Variants in FRY observed in about 807,000 individuals in gnomAD.
The protein encoded by FRY is FRY microtubule binding protein.
In FRY, 128 loss-of-function variants were observed where a neutral mutation model predicts 348.4. The observed-to-expected ratio is 0.37, with a 90% confidence interval of 0.32 to 0.43. The LOEUF is 0.43. FRY is among the 20% of genes least tolerant of loss of function. FRY has a pLI of 1.00. For missense variants in FRY, 2,736 were observed against 3,695.2 expected (o/e 0.74, Z 6.73); for synonymous variants, 1,370 against 1,374.7 (o/e 1.00, Z 0.08).
intron 1 of FRY, among the ~76,000 whole-genome samples, chr13:32,045,232 T>C (rs150119572): frequency 1.3e-5 from 2 of 152,344 alleles, no homozygotes; most frequent in Non-Finnish European, 2.9e-5. Context: ...AGACTTTTTT[T>C]CAACCCTTCA....
At chr13:32,053,676 T>G (rs2138414000) in intron 1 of FRY, among the ~76,000 whole-genome samples, 1 of 152,274 alleles carries the variant, frequency 6.6e-6, no homozygotes, top group South Asian at 2.1e-4. Context: ...CACTTAAGAG[T>G]CTTCCCTGAA....
chr13:32,201,991 C>T lies in FRY; in HGVS notation c.3797C>T (p.Ala1266Val). 6.2e-7 allele frequency: 1 copy of T among 1,607,386 alleles called. No individual in the cohort carries two copies. The highest frequency in any genetic ancestry group is 8.5e-7 in the Non-Finnish European group (1 of 1,173,944). The change falls in exon 30 of 61, where the codon GCC becomes GTC. Residue 1266 changes from alanine to valine, a missense_variant. Transcript: ENST00000542859. ...VTLLNLVLFK[A>V]SDTNREIYEI... ...TTGTTAAACCTTGTTCTATTCAAGG[C>T]CTCTGACACCAACAGAGAGATTTAT...
intron 58 of FRY, among the ~76,000 whole-genome samples, chr13:32,280,965 T>C (rs1160832909): frequency 1.3e-5 from 2 of 152,192 alleles, no homozygotes; most frequent in Non-Finnish European, 2.9e-5. Context: ...CTGGTTCTTC[T>C]TTACCTTCCT....
At chr13:32,088,315 C>T (rs919912518) in intron 2 of FRY, among the ~76,000 whole-genome samples, 3 of 152,188 alleles carry the variant, frequency 2.0e-5, no homozygotes, top group African/African-American at 7.2e-5. Context: ...CATTGCTGGT[C>T]AGATAGGGAA....
intron 1 of FRY, among the ~76,000 whole-genome samples, chr13:32,057,054 CTTGAG>C: frequency 6.6e-6 from 1 of 152,132 alleles, no homozygotes; most frequent in East Asian, 1.9e-4. Context: ...GAAAAAAATT[CTTGAG>C]TTGATGTGCA....
chr13:32,087,594 A>AT (rs1233326215), intron 2 of FRY, among the ~76,000 whole-genome samples: 1 of 152,138 alleles, frequency 6.6e-6, no homozygotes, highest in Non-Finnish European at 1.5e-5. Context: ...TCCTCTTGTG[A>AT]TTTTAGACCA....
Position 32,134,922 on chromosome 13 carries a change from C to T in FRY, c.904C>T (p.Leu302Phe). The T allele has an allele frequency of 6.2e-7, 1 of 1,610,258 alleles. No individual in the cohort carries two copies. Among genetic ancestry groups the T allele is most frequent in the Non-Finnish European group, 8.5e-7 (1 of 1,176,524 alleles). Residue 302 changes from leucine (L) to phenylalanine (F), a missense_variant, in exon 9 of 61, where the codon CTC becomes TTC. By Grantham distance (22) the Leu-to-Phe change is conservative (BLOSUM62 0). This residue lies in a region of FRY where 309 missense variants were observed against 418.1 expected (regional missense o/e 0.74). Coordinates refer to ENST00000542859, the MANE Select transcript of FRY (RefSeq NM_023037.3). ...QFMQECAHYF[L>F]EVKDKDIKHA... ...TTCCCAGGAATGTGCACATTACTTC[C>T]TCGAGGTCAAAGACAAAGATATCAA...
At chr13:32,224,508 G>C in intron 37 of FRY, 123 bp downstream of exon 37, 3 of 872,694 alleles carry the variant, frequency 3.4e-6, no homozygotes, top group Non-Finnish European at 5.2e-6. Flanking sequence ...GTGGGATCCT[G>C]CCTGATTTGA....
chr13:32,071,945 G>A (rs911081459), intron 1 of FRY, among the ~76,000 whole-genome samples: 1 of 152,058 alleles, frequency 6.6e-6, no homozygotes, highest in Non-Finnish European at 1.5e-5. Context: ...AAGACAGGGC[G>A]ATATGGGAAG....
chr13:32,146,315 G>T (rs1028877407), intron 11 of FRY, among the ~76,000 whole-genome samples: 8 of 151,968 alleles, frequency 5.3e-5, no homozygotes, highest in Non-Finnish European at 8.8e-5. Flanking sequence ...GAGTTTTTTT[G>T]TTGTTGTTGT....
intron 17 of FRY, among the ~76,000 whole-genome samples, chr13:32,163,909 G>T (rs1881591642): frequency 6.6e-6 from 1 of 151,980 alleles, no homozygotes; most frequent in African/African-American, 2.4e-5. Context: ...TTTTTCTGAG[G>T]GAACAGAACA....
chr13:32,247,874 C>T (rs982698086), intron 48 of FRY, among the ~76,000 whole-genome samples: 1 of 152,108 alleles, frequency 6.6e-6, no homozygotes, highest in Non-Finnish European at 1.5e-5. Flanking sequence ...AGCAGATGAC[C>T]GAAATTTACA....
intron 59 of FRY, among the ~76,000 whole-genome samples, 195 bp from the exon 60 acceptor site, chr13:32,294,173 G>C (rs907179007): frequency 1.3e-5 from 2 of 152,022 alleles, no homozygotes; most frequent in Non-Finnish European, 2.9e-5. Flanking sequence ...CTCAGCAGTT[G>C]ACACATACTC....
chr13:32,149,843 G>A lies in FRY; in HGVS notation c.1479+9G>A. On this transcript the variant is annotated intron_variant, in intron 14 of 60. Coordinates refer to ENST00000542859, the MANE Select transcript of FRY (RefSeq NM_023037.3). ...TCAGTCTCAACCCAGAGGTATGAATGATCCTTTTATGTACTTCTAACAGAG... is the reference window on the plus strand; with the variant it reads ...TCAGTCTCAACCCAGAGGTATGAATAATCCTTTTATGTACTTCTAACAGAG... 1 of 1,546,950 alleles carries A rather than the reference G, an allele frequency of 6.5e-7. No homozygotes were observed. The highest frequency in any genetic ancestry group is 1.1e-5 in the South Asian group (1 of 89,706).
intron 1 of FRY, among the ~76,000 whole-genome samples, chr13:32,076,785 T>C (rs1270543907): frequency 6.6e-6 from 1 of 152,204 alleles, no homozygotes; most frequent in East Asian, 1.9e-4. Flanking sequence ...TACAGTCTTA[T>C]TAGGGAACTT....
chr13:32,225,892 C>A lies in FRY; in HGVS notation c.5124C>A (p.Ser1708=). 1 of 1,614,048 alleles carries A rather than the reference C, an allele frequency of 6.2e-7. No homozygotes were observed. Among genetic ancestry groups the A allele is most frequent in the African/African-American group, 1.3e-5 (1 of 75,022 alleles). ...SCNSNFHSIA[S]VLLQTREMGE... is the part of the protein sequence containing the mutation. ...ACAGCAATTTCCATTCCATTGCTTC[C>A]GTGCTCCTGCAGACCCGAGAGATGG... The change falls in exon 39 of 61, where the codon TCC becomes TCA. Residue 1708 remains serine, a synonymous_variant. Transcript: ENST00000542859.
chr13:32,272,103 A>G (rs1456327166), intron 55 of FRY, among the ~76,000 whole-genome samples: 1 of 152,240 alleles, frequency 6.6e-6, no homozygotes, highest in African/African-American at 2.4e-5. Flanking sequence ...CAGATGCTAT[A>G]TGAAAGTAAT....
chr13:32,031,913 G>C (rs1309151872), intron 1 of FRY, 48 bp downstream of exon 1: 1 of 1,053,132 alleles, frequency 9.5e-7, no homozygotes. Context: ...GCTGGATGTT[G>C]CATAAGGCTG....
At chr13:32,115,615 T>C (rs1816802286) in intron 3 of FRY, among the ~76,000 whole-genome samples, 1 of 152,210 alleles carries the variant, frequency 6.6e-6, no homozygotes, top group South Asian at 2.1e-4. Flanking sequence ...CTCAAAACCT[T>C]CGTCACATCA....
Sources: gnomAD v4.1 joint callset for allele counts (sites outside exome capture counted in the v4.1 genomes callset) on GRCh38, gnomAD v4.1.1 for gene constraint, gnomAD v4.1.1 regional missense constraint, MANE v1.5 for transcripts, NCBI Gene and HGNC (gene_info 2026-07-23, HGNC 2026-07-21) for gene names.